Variants in ST3GAL6 observed in about 807,000 individuals in gnomAD.
The protein encoded by ST3GAL6 is type 2 lactosamine alpha-2,3-sialyltransferase.
In ST3GAL6, 31 loss-of-function variants were observed where a neutral mutation model predicts 40.5. That is an observed-to-expected ratio of 0.77 (90% confidence interval 0.58 to 1.03). The LOEUF (loss-of-function observed/expected upper bound fraction) is 1.03, where lower values mean the gene tolerates loss of function less well. Among genes scored for constraint, ST3GAL6 ranks in the 50% least tolerant of loss-of-function variants. The pLI is 0.00. For synonymous variants in ST3GAL6, 129 were observed against 136.9 expected (o/e 0.94, Z 0.40); for missense variants, 357 against 393.2 (o/e 0.91, Z 0.78).
At chr3:98,741,622 G>T (rs550240030) in intron 1 of ST3GAL6, among the ~76,000 whole-genome samples, 7 of 152,202 alleles carry the variant, frequency 4.6e-5, no homozygotes, top group African/African-American at 1.7e-4. Flanking sequence ...GAGCCAGCTG[G>T]ATCAGACTTA....
At chr3:98,758,663 G>A (rs893548057), upstream of ST3GAL6, among the ~76,000 whole-genome samples, 1 of 152,158 alleles carries the variant, frequency 6.6e-6, no homozygotes, top group Non-Finnish European at 1.5e-5. Flanking sequence ...AGCAATAATA[G>A]CACAGTAATG....
chr3:98,768,771 T>C (rs1938649655), intron 2 of ST3GAL6, among the ~76,000 whole-genome samples: 1 of 152,204 alleles, frequency 6.6e-6, no homozygotes, highest in African/African-American at 2.4e-5. Flanking sequence ...GTTAACCATC[T>C]TTGGGTTATA....
At chr3:98,771,503 C>G (rs1938984526) in intron 3 of ST3GAL6, among the ~76,000 whole-genome samples, 1 of 152,138 alleles carries the variant, frequency 6.6e-6, no homozygotes, top group East Asian at 1.9e-4. Flanking sequence ...TTGACTTTGA[C>G]AGATTGCTGG....
At chr3:98,771,297 A>T (rs844160) in intron 3 of ST3GAL6, 292,995 of 518,176 alleles carry the variant, frequency 0.57, 84,082 homozygotes, top group East Asian at 0.82. Context: ...ACCCTTATTA[A>T]TTTGTGGCTT....
At chr3:98,736,891 GA>G (rs1317180709) in intron 1 of ST3GAL6, among the ~76,000 whole-genome samples, 1 of 152,196 alleles carries the variant, frequency 6.6e-6, no homozygotes, top group African/African-American at 2.4e-5. Context: ...AGTTAAAGAA[GA>G]GTGCAAAAGA....
At chr3:98,762,505 T>C (rs533281069), upstream of ST3GAL6, among the ~76,000 whole-genome samples, 34 of 152,310 alleles carry the variant, frequency 2.2e-4, no homozygotes, top group Non-Finnish European at 4.3e-4. Flanking sequence ...TTAATTATGG[T>C]CTATTGAGAA....
intron 1 of ST3GAL6, chr3:98,733,142 G>C: frequency 7.9e-7 from 1 of 1,260,852 alleles, no homozygotes. Flanking sequence ...ACGGAGCGCT[G>C]TTTGCCCCTC....
intron 1 of ST3GAL6, among the ~76,000 whole-genome samples, chr3:98,763,676 A>G (rs1323537179): frequency 1.3e-5 from 2 of 151,738 alleles, no homozygotes; most frequent in African/African-American, 4.8e-5. Context: ...GGAAGCAGGG[A>G]ACAGAAGGGT....
Position 98,794,429 on chromosome 3 carries a change from T to TAAG in ST3GAL6, c.*668_*669insAAG, listed in dbSNP as rs1941446321. The stretch of plus-strand genomic sequence containing the variant: ...TTTGTATTATTTTAAAGAAATGAAG[T>TAAG]TTAACTTTATACAGTGAAGCTAAGC... On this transcript the variant is annotated 3_prime_UTR_variant, in exon 10 of 10. Coordinates refer to ENST00000483910, the MANE Select transcript of ST3GAL6 (RefSeq NM_001323368.2). 8.7e-6 allele frequency: 1 copy of TAAG among 115,240 alleles called. No homozygotes were observed. The highest frequency in any genetic ancestry group is 2.6e-4 in the South Asian group (1 of 3,864). The allele number at this position is 115,240 out of a possible 1,614,324, so 7.1% of individuals were successfully genotyped here. A position where few individuals can be genotyped will look rare whatever the true frequency, so the allele number is the denominator to read the frequency against.
rs150811291 is a variant in ST3GAL6 at position 98,788,407 on chromosome 3, A to G, written c.700A>G (p.Ile234Val). 3 of 1,613,246 alleles carry G rather than the reference A, an allele frequency of 1.9e-6. No individual in the cohort carries two copies. The highest frequency in any genetic ancestry group is 1.3e-5 in the African/African-American group (1 of 74,882). ...AATCCGAATATTAGATCCTTTCATTATCAGAACAGCAGCTTATGAACTGCT... is the reference window on the plus strand; with the variant it reads ...AATCCGAATATTAGATCCTTTCATTGTCAGAACAGCAGCTTATGAACTGCT... ...YQIRILDPFI[I>V]RTAAYELLHF... Residue 234 changes from isoleucine (I) to valine (V), a missense_variant, in exon 8 of 10, where the codon ATC becomes GTC. By Grantham distance (29) the Ile-to-Val change is conservative. Coordinates refer to ENST00000483910, the MANE Select transcript of ST3GAL6 (RefSeq NM_001323368.2).
At chr3:98,745,528 C>G (rs1347823725) in intron 1 of ST3GAL6, among the ~76,000 whole-genome samples, 1 of 152,138 alleles carries the variant, frequency 6.6e-6, no homozygotes, top group Non-Finnish European at 1.5e-5. Context: ...CTTTAATGTC[C>G]TCAGCCTAGA....
At chr3:98,732,558 T>C in intron 1 of ST3GAL6, 1 of 321,736 alleles carries the variant, frequency 3.1e-6, no homozygotes. Flanking sequence ...TGCTCCCGCC[T>C]GGTCCCCAAC....
At position 98,752,993 on chromosome 3, in the gene ST3GAL6, C is replaced by G. The variant is rs148430341; in HGVS notation, c.-11-15437C>G. On this transcript the variant is annotated intron_variant, in intron 1 of 9. Transcript: ENST00000265261. The stretch of plus-strand genomic sequence containing the variant: ...AATCCTCCAATAGCCTCTAAGTATT[C>G]AAGTGAAAGGATGAGTTGTATATCT... 9.2e-5 allele frequency among the ~76,000 whole-genome samples: 14 copies of G among 152,276 alleles called. No individual in the cohort carries two copies. The East Asian group carries it at 2.5e-3, about 27-fold the overall frequency.
chr3:98,785,109 C>A, intron 6 of ST3GAL6, 69 bp downstream of exon 6: 1 of 1,103,026 alleles, frequency 9.1e-7, no homozygotes, highest in Non-Finnish European at 1.3e-6. Flanking sequence ...CTTAATACAG[C>A]TGTGTTTTGA....
chr3:98,756,468 CTGG>C (rs1206269257), intron 1 of ST3GAL6: 1 of 1,289,200 alleles, frequency 7.8e-7, no homozygotes, highest in African/African-American at 1.5e-5. Context: ...CTTTGGCAGC[CTGG>C]TCCCTCTTTC....
Position 98,785,044 on chromosome 3 carries a change from A to C in ST3GAL6, c.431+4A>C. ...ACTCCTATGATGTAATAATAAGGTAAATATATTTTCTATTTGCTACCCTAG... is the reference window on the plus strand; with the variant it reads ...ACTCCTATGATGTAATAATAAGGTACATATATTTTCTATTTGCTACCCTAG... On this transcript the variant is annotated splice_donor_region_variant and intron_variant, in intron 6 of 9. Transcript: ENST00000483910. The C allele has an allele frequency of 6.4e-7, 1 of 1,570,368 alleles. No homozygotes were observed. The highest frequency in any genetic ancestry group is 8.8e-7 in the Non-Finnish European group (1 of 1,140,964).
chr3:98,762,092 A>G (rs140712086), upstream of ST3GAL6, among the ~76,000 whole-genome samples: 1 of 151,958 alleles, frequency 6.6e-6, no homozygotes, highest in Non-Finnish European at 1.5e-5. Context: ...CAGTGAAAGC[A>G]CTGGTGAAAG....
chr3:98,775,144 T>C (rs953194810), intron 5 of ST3GAL6, among the ~76,000 whole-genome samples: 1 of 152,154 alleles, frequency 6.6e-6, no homozygotes, highest in Non-Finnish European at 1.5e-5. Context: ...GATGTGAACC[T>C]AGATAGTTCA....
At chr3:98,788,291 C>T (rs377677298) in intron 7 of ST3GAL6, 35 bp from the exon 8 acceptor site, 1 of 1,585,632 alleles carries the variant, frequency 6.3e-7, no homozygotes, top group Non-Finnish European at 8.5e-7. Context: ...AACAGACAGC[C>T]ACACTGTTCT....
Sources: allele counts gnomAD v4.1 joint callset (sites outside exome capture counted in the v4.1 genomes callset), GRCh38; gene constraint gnomAD v4.1.1; transcripts MANE v1.5; gene names NCBI Gene and HGNC (gene_info 2026-07-23, HGNC 2026-07-21).